Variants in TSC22D1 observed in about 807,000 individuals in gnomAD.
The protein encoded by TSC22D1 is TSC22 domain family protein 1.
In TSC22D1, 9 loss-of-function variants were observed where a neutral mutation model predicts 74.2. That is an observed-to-expected ratio of 0.12 (90% CI 0.07 to 0.21). TSC22D1 has a LOEUF of 0.21. TSC22D1 is among the 10% of genes least tolerant of loss of function. The pLI is 1.00. For missense variants in TSC22D1, 1,427 were observed against 1,304.7 expected (o/e 1.09, Z -1.44); for synonymous variants, 586 against 492.5 (o/e 1.19, Z -2.51).
chr13:44,440,587 CAAAA>C (rs67344848), intron 1 of TSC22D1, among the ~76,000 whole-genome samples: 8 of 68,262 alleles, frequency 1.2e-4, no homozygotes, highest in African/African-American at 2.5e-4. Flanking sequence ...GGCTCTGTCT[CAAAA>C]AAAAAAAAAA....
rs374303711 is a variant in TSC22D1 at position 44,434,612 on chromosome 13, G to A, written c.*14C>T. 6 of 1,513,664 alleles carry A rather than the reference G, an allele frequency of 4.0e-6. No individual in the cohort carries two copies. The highest frequency in any genetic ancestry group is 1.4e-5 in the African/African-American group (1 of 71,426). 93.8% of individuals were successfully genotyped at this position (1,513,664 alleles called of 1,614,324 possible). A position where few individuals can be genotyped will look rare whatever the true frequency, so the allele number is the denominator to read the frequency against. ...GTTCACACGCAGCAGCCAGTTCTGCGGGGGCATAGGCAGCTATGCGGTTGG... is the reference window on the plus strand; with the variant it reads ...GTTCACACGCAGCAGCCAGTTCTGCAGGGGCATAGGCAGCTATGCGGTTGG... On this transcript the variant is annotated 3_prime_UTR_variant, in exon 3 of 3. Transcript: ENST00000458659.
chr13:44,473,851 TC>T (rs1226090095), intron 1 of TSC22D1, among the ~76,000 whole-genome samples: 1 of 152,190 alleles, frequency 6.6e-6, no homozygotes, highest in Non-Finnish European at 1.5e-5. Flanking sequence ...TAATACTCAA[TC>T]TTTTACAATT....
intron 1 of TSC22D1, among the ~76,000 whole-genome samples, chr13:44,439,805 T>A (rs563516048): frequency 6.6e-6 from 1 of 152,208 alleles, no homozygotes; most frequent in African/African-American, 2.4e-5. Context: ...CATGACAGGA[T>A]AGGAAAAGAG....
intron 1 of TSC22D1, chr13:44,538,553 GA>G: frequency 1.1e-5 from 11 of 985,358 alleles, no homozygotes; most frequent in Non-Finnish European, 1.3e-5. Context: ...GCTTTTAAAA[GA>G]AAGGAGTCTC....
At chr13:44,500,322 A>G (rs1277479683) in intron 1 of TSC22D1, among the ~76,000 whole-genome samples, 1 of 152,128 alleles carries the variant, frequency 6.6e-6, no homozygotes, top group Non-Finnish European at 1.5e-5. Flanking sequence ...AAAACCTCAT[A>G]TACACACTTG....
At chr13:44,480,645 A>C (rs1369066208) in intron 1 of TSC22D1, among the ~76,000 whole-genome samples, 1 of 152,114 alleles carries the variant, frequency 6.6e-6, no homozygotes, top group Non-Finnish European at 1.5e-5. Flanking sequence ...AACAGGAATA[A>C]ATAAGAGGCT....
In TSC22D1 at chr13:44,573,457, C is replaced by T; in HGVS notation, c.2618G>A (p.Ser873Asn). 6.2e-7 allele frequency: 1 copy of T among 1,614,224 alleles called. No individual in the cohort carries two copies. Among genetic ancestry groups the T allele is most frequent in the Non-Finnish European group, 8.5e-7 (1 of 1,180,052 alleles). Residue 873 changes from serine to asparagine, a missense_variant, in exon 1 of 3, where the codon AGT becomes AAT. Physicochemically the swap from Ser to Asn is conservative, Grantham distance 46 (BLOSUM62 1). Coordinates refer to ENST00000458659, the MANE Select transcript of TSC22D1 (RefSeq NM_183422.4). The part of the protein sequence containing the change: ...TQNGNLVQSV[S>N]QPPLIATNTN... ...ATTAGTTGCTATCAAGGGAGGTTGA[C>T]TAACACTTTGAACCAAATTACCATT...
intron 1 of TSC22D1, among the ~76,000 whole-genome samples, chr13:44,521,378 CCTTT>C (rs1421470435): frequency 1.3e-5 from 2 of 152,076 alleles, no homozygotes; most frequent in East Asian, 3.9e-4. Flanking sequence ...ACCCCTTCCC[CCTTT>C]TTTTTAAATT....
chr13:44,536,722 C>T (rs1457394574), intron 1 of TSC22D1: 3 of 981,364 alleles, frequency 3.1e-6, no homozygotes, highest in Admixed American at 6.2e-5. Context: ...TTGATATTTA[C>T]AGTATTAACT....
intron 1 of TSC22D1, among the ~76,000 whole-genome samples, chr13:44,469,094 G>A (rs898593219): frequency 1.3e-5 from 2 of 152,000 alleles, no homozygotes; most frequent in African/African-American, 4.8e-5. Flanking sequence ...TGCACCCTGC[G>A]CTTTCAGGCT....
chr13:44,540,345 C>G (rs149612992), intron 1 of TSC22D1, among the ~76,000 whole-genome samples: 1 of 152,090 alleles, frequency 6.6e-6, no homozygotes, highest in Non-Finnish European at 1.5e-5. Context: ...ACAGAAAAAA[C>G]CAAGTATATT....
intron 1 of TSC22D1, among the ~76,000 whole-genome samples, chr13:44,567,932 A>G (rs762247422): frequency 6.6e-6 from 1 of 152,216 alleles, no homozygotes; most frequent in Non-Finnish European, 1.5e-5. Flanking sequence ...AAATCTTATA[A>G]AGGTTTTAGA....
rs1286148258 is a variant in TSC22D1 at position 44,574,731 on chromosome 13, C to T, written c.1344G>A (p.Val448=). The part of the protein sequence containing the change: ...ATEGVLINKV[V]ETVKQNPIEV... ...CTATCGGATTTTGCTTTACAGTCTC[C>T]ACCACTTTATTTATCAGCACACCTT... is the stretch of plus-strand genomic sequence containing the variant. The change falls in exon 1 of 3, where the codon GTG becomes GTA. Residue 448 remains valine (V), a synonymous_variant. Transcript: ENST00000458659. 1 of 1,568,652 alleles carries T rather than the reference C, an allele frequency of 6.4e-7. No individual in the cohort carries two copies.
At chr13:44,543,577 G>C (rs1221486905) in intron 1 of TSC22D1, among the ~76,000 whole-genome samples, 1 of 152,166 alleles carries the variant, frequency 6.6e-6, no homozygotes, top group Non-Finnish European at 1.5e-5. Flanking sequence ...CTAGCTGGCA[G>C]TAAGAAGAAA....
chr13:44,483,043 T>A (rs1159817807), intron 1 of TSC22D1, among the ~76,000 whole-genome samples: 4 of 152,216 alleles, frequency 2.6e-5, no homozygotes, highest in Non-Finnish European at 4.4e-5. Context: ...TTTTGTAATA[T>A]TCTTTACATT....
Position 44,486,348 on chromosome 13 carries a change from C to A in TSC22D1, c.2913-50253G>T, listed in dbSNP as rs143723125. Among the ~76,000 whole-genome samples the A allele has an allele frequency of 4.2e-3, 645 of 152,144 alleles. 5 individuals carry two copies. The highest frequency in any genetic ancestry group is 0.015 in the African/African-American group (613 of 41,540). On this transcript the variant is annotated intron_variant, in intron 1 of 2. Coordinates refer to ENST00000458659, the MANE Select transcript of TSC22D1 (RefSeq NM_183422.4). Reference sequence around the variant, plus strand: ...TATTAACCAAAGAAAGGTGGAATAACCTTGTTAAATAAGACAAAATAAATC... The same window carrying A: ...TATTAACCAAAGAAAGGTGGAATAAACTTGTTAAATAAGACAAAATAAATC...
chr13:44,546,708 G>A (rs1881846254), intron 1 of TSC22D1, among the ~76,000 whole-genome samples: 1 of 151,568 alleles, frequency 6.6e-6, no homozygotes. Context: ...AAACATTAAG[G>A]AAAGCTGGGT....
intron 1 of TSC22D1, among the ~76,000 whole-genome samples, chr13:44,534,085 G>A (rs901859490): frequency 1.3e-5 from 2 of 151,990 alleles, no homozygotes; most frequent in Non-Finnish European, 2.9e-5. Context: ...AAAATTAGCT[G>A]GGTATGGTGG....
At chr13:44,447,100 A>G (rs60806722) in intron 1 of TSC22D1, among the ~76,000 whole-genome samples, 16,700 of 150,224 alleles carry the variant, frequency 0.11, 973 homozygotes, top group African/African-American at 0.14. Flanking sequence ...AGTAACTGCC[A>G]CTCTAATTTC....
Sources: allele counts gnomAD v4.1 joint callset (sites outside exome capture counted in the v4.1 genomes callset), GRCh38; gene constraint gnomAD v4.1.1; transcripts MANE v1.5; gene names NCBI Gene and HGNC (gene_info 2026-07-23, HGNC 2026-07-21).